The following BCAS3 variants were observed in gnomAD, a reference collection of about 807,000 sequenced individuals.
The protein encoded by BCAS3 is BCAS4/BCAS3 fusion.
BCAS3 carries 53 observed loss-of-function variants against 116.1 expected under a neutral mutation model. That is an observed-to-expected ratio of 0.46 (90% CI 0.37 to 0.57). The LOEUF is 0.57. BCAS3 is among the 20% of genes least tolerant of loss of function. BCAS3 has a pLI of 0.00. For missense variants in BCAS3, 917 were observed against 1,165.4 expected (o/e 0.79, Z 3.10); for synonymous variants, 391 against 408.2 (o/e 0.96, Z 0.51).
At chr17:61,123,632 G>C (rs1319802154) in intron 22 of BCAS3, among the ~76,000 whole-genome samples, 1 of 151,660 alleles carries the variant, frequency 6.6e-6, no homozygotes, top group Non-Finnish European at 1.5e-5. Context: ...TTTATTGGGG[G>C]GGAGTGGGGG....
intron 22 of BCAS3, among the ~76,000 whole-genome samples, chr17:61,263,306 C>T (rs1208011372): frequency 6.6e-6 from 1 of 152,224 alleles, no homozygotes; most frequent in Non-Finnish European, 1.5e-5. Flanking sequence ...CCAGACAGTG[C>T]TCTAGCTTTA....
At chr17:61,360,370 CAAATATT>C (rs2058390075) in intron 22 of BCAS3, among the ~76,000 whole-genome samples, 1 of 152,156 alleles carries the variant, frequency 6.6e-6, no homozygotes, top group Non-Finnish European at 1.5e-5. Context: ...CTCTGGAAGC[CAAATATT>C]TGTTTCCCTG....
At chr17:61,218,094 T>C (rs1207203505) in intron 22 of BCAS3, among the ~76,000 whole-genome samples, 1 of 152,162 alleles carries the variant, frequency 6.6e-6, no homozygotes, top group Non-Finnish European at 1.5e-5. Context: ...AGAACTGAGA[T>C]GGTTAAAGGA....
At chr17:60,997,754 T>G (rs187098056) in intron 15 of BCAS3, among the ~76,000 whole-genome samples, 243 of 152,348 alleles carry the variant, frequency 1.6e-3, no homozygotes, top group Non-Finnish European at 2.9e-3. Flanking sequence ...GTGATGTACT[T>G]TCTCTCTCTA....
Position 60,990,250 on chromosome 17 carries a change from C to T in BCAS3, c.1486+15C>T, listed in dbSNP as rs1180150762. ...ACCCTTGCATGGTAATTTTCTCTGT[C>T]TCCACTGTTATCTTGAATCTTCCTT... On this transcript the variant is annotated intron_variant, in intron 15 of 23. Transcript: ENST00000407086. This position sits in a 1 kb window ranked among gnomAD's most constrained non-coding sequence, Gnocchi z 5.1. 9 of 1,609,540 alleles carry T rather than the reference C, an allele frequency of 5.6e-6. No homozygotes were observed. The highest frequency in any genetic ancestry group is 5.9e-6 in the Non-Finnish European group (7 of 1,176,598).
chr17:60,878,971 C>T (rs2055870182), intron 9 of BCAS3, among the ~76,000 whole-genome samples: 1 of 152,166 alleles, frequency 6.6e-6, no homozygotes, highest in South Asian at 2.1e-4. Context: ...TCCAGTTTCT[C>T]CCCTTCTCCC....
intron 22 of BCAS3, among the ~76,000 whole-genome samples, chr17:61,336,160 A>G (rs1264129831): frequency 6.6e-6 from 1 of 152,184 alleles, no homozygotes; most frequent in African/African-American, 2.4e-5. Context: ...GCCTTTTACT[A>G]TTTACCTTGG....
chr17:60,813,612 T>A (rs1175633282), intron 7 of BCAS3, among the ~76,000 whole-genome samples: 1 of 152,210 alleles, frequency 6.6e-6, no homozygotes, highest in Non-Finnish European at 1.5e-5. Flanking sequence ...CCAACAAAGG[T>A]CTGTAGATTG....
intron 22 of BCAS3, among the ~76,000 whole-genome samples, chr17:61,092,654 T>C (rs1157637550): frequency 6.6e-6 from 1 of 152,224 alleles, no homozygotes; most frequent in Non-Finnish European, 1.5e-5. Context: ...CATTTGGATA[T>C]CATCTTTTGT....
At chr17:61,225,407 T>C (rs915625564) in intron 22 of BCAS3, among the ~76,000 whole-genome samples, 2 of 152,192 alleles carry the variant, frequency 1.3e-5, no homozygotes, top group Non-Finnish European at 2.9e-5. Flanking sequence ...GGTCATGAAC[T>C]TGTACACTTC....
At chr17:61,099,420 A>G (rs191495473) in intron 22 of BCAS3, among the ~76,000 whole-genome samples, 2 of 152,302 alleles carry the variant, frequency 1.3e-5, no homozygotes, top group East Asian at 3.9e-4. Context: ...ATATCATAAC[A>G]TGATTACAAG....
At chr17:60,711,213 T>C (rs563054965) in intron 5 of BCAS3, among the ~76,000 whole-genome samples, 14 of 152,156 alleles carry the variant, frequency 9.2e-5, no homozygotes, top group African/African-American at 2.4e-4. Context: ...TGGTATGTCA[T>C]GAAATTAGAA....
intron 14 of BCAS3, among the ~76,000 whole-genome samples, chr17:60,966,867 C>T (rs1261516724): frequency 1.3e-5 from 2 of 151,962 alleles, no homozygotes; most frequent in Non-Finnish European, 2.9e-5. Flanking sequence ...ATTGGCTAGG[C>T]TGGTCTTGAT....
At chr17:61,287,061 A>AT (rs2051872945) in intron 22 of BCAS3, among the ~76,000 whole-genome samples, 6 of 152,012 alleles carry the variant, frequency 3.9e-5, no homozygotes, top group African/African-American at 1.4e-4. Context: ...ATCCTGGCTA[A>AT]CACGGTGAAA....
Position 61,036,139 on chromosome 17 carries a change from T to C in BCAS3, c.1762+1349T>C, listed in dbSNP as rs372129285. On this transcript the variant is annotated intron_variant, in intron 17 of 23. Transcript: ENST00000407086. ...GTTTAGAAGAGAATGCCTACGTTCA[T>C]AAACCAAGTATATAATTTTGAATGT... 7.9e-5 allele frequency: 12 copies of C among 152,352 alleles called. No homozygotes were observed. In the East Asian group the frequency reaches 1.7e-3, roughly 22 times the overall value. 9.4% of individuals were successfully genotyped at this position (152,352 alleles called of 1,614,324 possible). A position where few individuals can be genotyped will look rare whatever the true frequency, so the allele number is the denominator to read the frequency against.
intron 4 of BCAS3, among the ~76,000 whole-genome samples, chr17:60,706,627 C>T (rs959211512): frequency 1.3e-5 from 2 of 151,860 alleles, no homozygotes; most frequent in Non-Finnish European, 2.9e-5. Context: ...GCACTCAAGA[C>T]CAGCTGGGAC....
chr17:61,106,693 C>G lies in BCAS3; in HGVS notation c.2425+22129C>G, dbSNP rs749056814. ...TTGTAGAATAAATTATATTTTGAAACTTGCTTCATTTATTGTTAGCAGATT... is the reference window on the plus strand; with the variant it reads ...TTGTAGAATAAATTATATTTTGAAAGTTGCTTCATTTATTGTTAGCAGATT... On this transcript the variant is annotated intron_variant, in intron 22 of 23. Transcript: ENST00000407086. The surrounding 1 kb of genome is among the most constrained non-coding windows in gnomAD (Gnocchi z 4.2). 3.3e-5 allele frequency among the ~76,000 whole-genome samples: 5 copies of G among 152,200 alleles called. No individual in the cohort carries two copies. The highest frequency in any genetic ancestry group is 4.8e-5 in the African/African-American group (2 of 41,460).
chr17:60,853,914 T>C (rs2053415373), intron 7 of BCAS3, among the ~76,000 whole-genome samples: 2 of 152,282 alleles, frequency 1.3e-5, no homozygotes, highest in Middle Eastern at 3.4e-3. Flanking sequence ...GTTGTTTTTT[T>C]TTATACTTTA....
intron 19 of BCAS3, among the ~76,000 whole-genome samples, chr17:61,050,800 G>A (rs2068789775): frequency 6.6e-6 from 1 of 151,974 alleles, no homozygotes; most frequent in South Asian, 2.1e-4. Flanking sequence ...GACTAAGTAG[G>A]ACACTTCACT....
Sources: gnomAD v4.1 joint callset for allele counts (sites outside exome capture counted in the v4.1 genomes callset) on GRCh38, gnomAD v4.1.1 for gene constraint, Gnocchi (gnomAD v3.1) non-coding constraint, MANE v1.5 for transcripts, NCBI Gene and HGNC (gene_info 2026-07-23, HGNC 2026-07-21) for gene names.